The following ZC3H13 variants were observed in gnomAD, a reference collection of about 807,000 sequenced individuals.
The protein encoded by ZC3H13 is zinc finger CCCH domain-containing protein 13.
In ZC3H13, 64 loss-of-function variants were observed where a neutral mutation model predicts 204.1. The observed-to-expected ratio is 0.31, with a 90% CI of 0.26 to 0.39. The LOEUF (loss-of-function observed/expected upper bound fraction) is 0.39, where lower values mean the gene tolerates loss of function less well. Ranked by LOEUF, ZC3H13 falls within the 10% of genes least tolerant of loss-of-function variation. ZC3H13 has a pLI of 1.00. For synonymous variants in ZC3H13, 667 were observed against 693.7 expected (o/e 0.96, Z 0.60); for missense variants, 1,833 against 2,082.7 (o/e 0.88, Z 2.33).
chr13:46,002,135 G>A (rs1158726625), intron 8 of ZC3H13, among the ~76,000 whole-genome samples: 3 of 152,088 alleles, frequency 2.0e-5, no homozygotes, highest in African/African-American at 7.2e-5. Flanking sequence ...ACAAATGGCC[G>A]ACAAGCACAT....
chr13:45,973,947 T>G (rs1234690998), intron 12 of ZC3H13, among the ~76,000 whole-genome samples: 1 of 152,148 alleles, frequency 6.6e-6, no homozygotes, highest in Non-Finnish European at 1.5e-5. Flanking sequence ...AGCCAAGACC[T>G]AAGGGAAGAA....
chr13:45,976,228 C>A, intron 11 of ZC3H13: 1 of 984,838 alleles, frequency 1.0e-6, no homozygotes, highest in Non-Finnish European at 1.2e-6. Context: ...ACACTGGTGG[C>A]AAAGGATAGG....
chr13:46,014,711 G>C (rs1055199614), intron 5 of ZC3H13, among the ~76,000 whole-genome samples: 1 of 152,080 alleles, frequency 6.6e-6, no homozygotes, highest in Non-Finnish European at 1.5e-5. Flanking sequence ...TGAATACACA[G>C]AGTAAAATAT....
At chr13:46,051,178 T>C (rs1402563432) in intron 1 of ZC3H13, among the ~76,000 whole-genome samples, 1 of 152,192 alleles carries the variant, frequency 6.6e-6, no homozygotes, top group Non-Finnish European at 1.5e-5. Context: ...ACTTGCTGGA[T>C]TTTTAGTATG....
At chr13:45,962,626 G>A (rs1951770312) in intron 17 of ZC3H13, 2 of 983,224 alleles carry the variant, frequency 2.0e-6, no homozygotes, top group Non-Finnish European at 2.4e-6. Context: ...TAGGTTTATT[G>A]GGCTATATTA....
intron 10 of ZC3H13, among the ~76,000 whole-genome samples, chr13:45,983,630 T>C (rs1488069976): frequency 4.0e-5 from 6 of 150,322 alleles, no homozygotes; most frequent in African/African-American, 1.2e-4. Flanking sequence ...GGTTTCACTG[T>C]GTTAGCCAGG....
rs148363280 is a variant in ZC3H13 at position 45,956,528 on chromosome 13, T to G, written c.*599A>C. On this transcript the variant is annotated 3_prime_UTR_variant, in exon 19 of 19. Transcript: ENST00000679008. ...AAAAAGCATTTAGGGTCAAAAGACA[T>G]CCAACATACATTGTAACAATGCACA... 2 of 152,048 alleles carry G rather than the reference T, an allele frequency of 1.3e-5. No homozygotes were observed. The highest frequency in any genetic ancestry group is 2.9e-5 in the Non-Finnish European group (2 of 67,984). The allele number at this position is 152,048 out of a possible 1,614,324, so 9.4% of individuals were successfully genotyped here. A position where few individuals can be genotyped will look rare whatever the true frequency, so the allele number is the denominator to read the frequency against.
rs777694747 is a variant in ZC3H13 at position 45,975,639 on chromosome 13, C to T, written c.2112G>A (p.Glu704=). The T allele has an allele frequency of 1.3e-6, 2 of 1,588,682 alleles. No homozygotes were observed. The highest frequency in any genetic ancestry group is 1.4e-5 in the African/African-American group (1 of 74,030). Residue 704 remains glutamate (E), a synonymous_variant, in exon 12 of 19, where the codon GAG becomes GAA. Coordinates refer to ENST00000679008, the MANE Select transcript of ZC3H13 (RefSeq NM_001330564.2). The stretch of plus-strand genomic sequence containing the variant: ...TAGCACGCTCTCTTTCTAGTTCTCT[C>T]TCTTTTTCTCTTTCCCGATCCCGTT... ...ERERDREREK[E]RELERERARE...
At position 45,959,464 on chromosome 13, in the gene ZC3H13, T is replaced by G; in HGVS notation, c.4839+19A>C. 6.6e-7 allele frequency: 1 copy of G among 1,517,910 alleles called. No individual in the cohort carries two copies. The highest frequency in any genetic ancestry group is 8.8e-7 in the Non-Finnish European group (1 of 1,134,068). 94.0% of individuals were successfully genotyped at this position (1,517,910 alleles called of 1,614,324 possible). A position where few individuals can be genotyped will look rare whatever the true frequency, so the allele number is the denominator to read the frequency against. ...TTCACACTATTCACTTTGTATTTTT[T>G]CCAAGGAAATAACAGTACCTTCTCA... is the stretch of plus-strand genomic sequence containing the variant. On this transcript the variant is annotated intron_variant, in intron 18 of 18. Transcript: ENST00000679008.
chr13:45,982,122 C>T (rs879891077), intron 10 of ZC3H13, among the ~76,000 whole-genome samples: 3 of 151,240 alleles, frequency 2.0e-5, no homozygotes, highest in Non-Finnish European at 3.0e-5. Context: ...AGGCACTTCC[C>T]CAAGATTTAA....
chr13:45,960,248 C>A (rs990212793), intron 17 of ZC3H13, among the ~76,000 whole-genome samples: 2 of 151,860 alleles, frequency 1.3e-5, no homozygotes, highest in Non-Finnish European at 2.9e-5. Flanking sequence ...TGAGTCACCG[C>A]CCCCAGCCCC....
At chr13:45,959,088 TTATA>T (rs1019001138) in intron 18 of ZC3H13, among the ~76,000 whole-genome samples, 1 of 152,206 alleles carries the variant, frequency 6.6e-6, no homozygotes, top group African/African-American at 2.4e-5. Flanking sequence ...TCTCAAATGC[TTATA>T]TAGAGTCGCT....
chr13:45,959,242 C>G (rs956343830), intron 18 of ZC3H13, among the ~76,000 whole-genome samples: 5 of 151,836 alleles, frequency 3.3e-5, no homozygotes, highest in African/African-American at 1.2e-4. Flanking sequence ...AAGCTTTTCA[C>G]AAAAAACGTT....
chr13:45,988,563 T>C (rs2039725907), intron 9 of ZC3H13, among the ~76,000 whole-genome samples: 1 of 152,140 alleles, frequency 6.6e-6, no homozygotes, highest in African/African-American at 2.4e-5. Flanking sequence ...GGCCAGAACA[T>C]CTTAACTAAA....
At chr13:46,045,957 T>C (rs1441784620) in intron 1 of ZC3H13, among the ~76,000 whole-genome samples, 1 of 152,140 alleles carries the variant, frequency 6.6e-6, no homozygotes, top group African/African-American at 2.4e-5. Context: ...AAAAATAAAA[T>C]TGGGTGAAAA....
At chr13:46,010,701 G>T (rs1352170829) in intron 6 of ZC3H13, among the ~76,000 whole-genome samples, 196 bp from the exon 7 acceptor site, 1 of 151,336 alleles carries the variant, frequency 6.6e-6, no homozygotes, top group Non-Finnish European at 1.5e-5. Context: ...TTTGAGATCA[G>T]CCTGGATAAC....
chr13:46,026,264 A>G (rs915698265), intron 4 of ZC3H13, among the ~76,000 whole-genome samples: 1 of 152,150 alleles, frequency 6.6e-6, no homozygotes, highest in African/African-American at 2.4e-5. Flanking sequence ...AAAGTACAAA[A>G]AGAATTAAAA....
intron 4 of ZC3H13, among the ~76,000 whole-genome samples, chr13:46,033,539 C>T (rs2043028948): frequency 6.6e-6 from 1 of 151,956 alleles, no homozygotes; most frequent in African/African-American, 2.4e-5. Context: ...AGTAAAAGTC[C>T]TGCAGTCCAA....
intron 7 of ZC3H13, among the ~76,000 whole-genome samples, chr13:46,007,840 T>C (rs1418402186): frequency 6.6e-6 from 1 of 152,198 alleles, no homozygotes. Flanking sequence ...AAACTATTGT[T>C]TTAGATTAGC....
Sources: allele counts gnomAD v4.1 joint callset (sites outside exome capture counted in the v4.1 genomes callset), GRCh38; gene constraint gnomAD v4.1.1; transcripts MANE v1.5; gene names NCBI Gene and HGNC (gene_info 2026-07-23, HGNC 2026-07-21).